The following ZNF438 variants were observed in gnomAD, a reference collection of about 807,000 sequenced individuals.
ZNF438 encodes the protein zinc finger protein 438.
In ZNF438, 25 loss-of-function variants were observed where a neutral mutation model predicts 38.0. The ratio of observed to expected loss-of-function variants is 0.66; its 90% CI spans 0.48 to 0.92. ZNF438 has a LOEUF of 0.92. Among genes scored for constraint, ZNF438 ranks in the 40% least tolerant of loss-of-function variants. ZNF438 has a pLI of 0.00. For missense variants in ZNF438, 1,007 were observed against 999.6 expected (o/e 1.01, Z -0.10); for synonymous variants, 372 against 364.1 (o/e 1.02, Z -0.25).
chr10:30,992,254 A>G (rs1055975172), intron 1 of ZNF438, among the ~76,000 whole-genome samples: 7 of 152,188 alleles, frequency 4.6e-5, no homozygotes, highest in Admixed American at 1.3e-4. Flanking sequence ...GATTTTTGCT[A>G]TAATATCTGA....
At position 30,861,272 on chromosome 10, in the gene ZNF438, A is replaced by T. The variant is rs980242545; in HGVS notation, c.38-10905T>A. ...ACCTAGTGCAATGTAAATACTATGTAAATAGTTGTTTTACTGTATTATTTA... is the reference window on the plus strand; with the variant it reads ...ACCTAGTGCAATGTAAATACTATGTTAATAGTTGTTTTACTGTATTATTTA... On this transcript the variant is annotated intron_variant, in intron 4 of 5. Transcript: ENST00000413025. Among the ~76,000 whole-genome samples the T allele has an allele frequency of 1.1e-4, 16 of 152,232 alleles. No individual in the cohort carries two copies. The South Asian group carries it at 3.3e-3, about 32-fold the overall frequency.
At chr10:30,876,924 G>T in intron 4 of ZNF438, 74 bp downstream of exon 5, 1 of 1,148,066 alleles carries the variant, frequency 8.7e-7, no homozygotes, top group Non-Finnish European at 1.2e-6. Flanking sequence ...TATGATTAGA[G>T]GTCAATGACA....
intron 3 of ZNF438, among the ~76,000 whole-genome samples, chr10:30,883,992 G>A (rs1304942062): frequency 1.3e-5 from 2 of 152,018 alleles, no homozygotes; most frequent in Admixed American, 6.6e-5. Flanking sequence ...ATCTCTCAGC[G>A]GGGCATTAAA....
chr10:30,873,061 TTGTC>T (rs1287848050), intron 4 of ZNF438, among the ~76,000 whole-genome samples: 1 of 152,208 alleles, frequency 6.6e-6, no homozygotes, highest in Non-Finnish European at 1.5e-5. Flanking sequence ...TGTGGTGACT[TTGTC>T]TTTCTTTCAC....
intron 2 of ZNF438, among the ~76,000 whole-genome samples, chr10:30,924,461 G>A (rs1033061541): frequency 1.3e-5 from 2 of 152,196 alleles, no homozygotes; most frequent in Non-Finnish European, 2.9e-5. Flanking sequence ...TGGTGATCTG[G>A]TGAGATTCAG....
chr10:31,031,862 G>C (rs1332476063), exon 1 of ZNF438: 1 of 152,602 alleles, frequency 6.6e-6, no homozygotes, highest in Admixed American at 6.5e-5. Context: ...CGTCACAGCG[G>C]GGTGACGTCA....
chr10:30,893,773 T>C (rs140682819), intron 3 of ZNF438, among the ~76,000 whole-genome samples: 6 of 152,250 alleles, frequency 3.9e-5, no homozygotes, highest in Non-Finnish European at 8.8e-5. Flanking sequence ...GGGTACAACA[T>C]GGAAAAACTA....
chr10:30,902,095 A>T (rs2042072049), intron 3 of ZNF438, among the ~76,000 whole-genome samples: 1 of 152,164 alleles, frequency 6.6e-6, no homozygotes. Flanking sequence ...GCATAGAGCG[A>T]AAGAACAAAG....
intron 1 of ZNF438, among the ~76,000 whole-genome samples, chr10:30,987,012 G>T (rs1275619907): frequency 6.6e-6 from 1 of 152,082 alleles, no homozygotes; most frequent in African/African-American, 2.4e-5. Flanking sequence ...CTTGGCTGTG[G>T]TTCACATATA....
intron 2 of ZNF438, chr10:30,919,498 G>A (rs1237019597): frequency 6.6e-6 from 1 of 152,118 alleles, no homozygotes; most frequent in Non-Finnish European, 1.5e-5. Flanking sequence ...GGTGGCCAGC[G>A]CTGAACCTAC....
At position 30,966,633 on chromosome 10, in the gene ZNF438, G is replaced by A. The variant is rs1165889655; in HGVS notation, c.-191-24982C>T. Among the ~76,000 whole-genome samples, 4 of 145,358 alleles carry A rather than the reference G, an allele frequency of 2.8e-5. No individual in the cohort carries two copies. In the East Asian group the frequency reaches 6.1e-4, roughly 22 times the overall value. ...TGCAGTGAGCTGAGATTGCGCCACT[G>A]CACTCCAGCCTGGGCAACAGAGCAA... is the stretch of plus-strand genomic sequence containing the variant. On this transcript the variant is annotated intron_variant, in intron 1 of 5. Transcript: ENST00000413025.
At chr10:30,874,875 C>A (rs1431777015) in intron 4 of ZNF438, among the ~76,000 whole-genome samples, 1 of 151,422 alleles carries the variant, frequency 6.6e-6, no homozygotes, top group African/African-American at 2.4e-5. Flanking sequence ...TATGATAGAT[C>A]TGAGTTCAAA....
chr10:30,995,284 C>T (rs1475041836), intron 1 of ZNF438, among the ~76,000 whole-genome samples: 1 of 152,126 alleles, frequency 6.6e-6, no homozygotes, highest in Non-Finnish European at 1.5e-5. Flanking sequence ...AAGTACAAAG[C>T]AGCCCCCAAT....
chr10:30,969,878 C>A (rs1026933060), intron 1 of ZNF438, among the ~76,000 whole-genome samples: 1 of 151,754 alleles, frequency 6.6e-6, no homozygotes, highest in African/African-American at 2.4e-5. Context: ...CATTTATTTA[C>A]AAATACTTGC....
At chr10:30,872,749 C>CAAAAAAAAA (rs10633045) in intron 4 of ZNF438, among the ~76,000 whole-genome samples, 1 of 88,858 alleles carries the variant, frequency 1.1e-5, no homozygotes, top group Non-Finnish European at 2.2e-5. Flanking sequence ...GACTCTGTCT[C>CAAAAAAAAA]AAAAAAAAAA....
At chr10:30,861,351 C>T (rs548625408) in intron 4 of ZNF438, among the ~76,000 whole-genome samples, 5 of 152,100 alleles carry the variant, frequency 3.3e-5, no homozygotes, top group Admixed American at 2.0e-4. Context: ...AGATGCAGTT[C>T]GAAATTTTTT....
intron 2 of ZNF438, among the ~76,000 whole-genome samples, chr10:30,941,038 C>A (rs766134091): frequency 1.2e-4 from 17 of 145,838 alleles, no homozygotes; most frequent in Non-Finnish European, 2.3e-4. Flanking sequence ...AGACAAATAA[C>A]ACCAAGAGTT....
At chr10:30,866,648 C>T (rs1185938096) in intron 4 of ZNF438, among the ~76,000 whole-genome samples, 2 of 152,090 alleles carry the variant, frequency 1.3e-5, no homozygotes, top group African/African-American at 2.4e-5. Flanking sequence ...TCCTGGCTAA[C>T]ACGGTGAAAC....
chr10:30,853,946 G>GA (rs1198597492), intron 4 of ZNF438, among the ~76,000 whole-genome samples: 4 of 152,142 alleles, frequency 2.6e-5, no homozygotes, highest in Admixed American at 1.3e-4. Flanking sequence ...AGTGAGCTGA[G>GA]ATCATGCCAC....
Sources: allele counts gnomAD v4.1 joint callset (sites outside exome capture counted in the v4.1 genomes callset), GRCh38; gene constraint gnomAD v4.1.1; transcripts MANE v1.5; gene names NCBI Gene and HGNC (gene_info 2026-07-23, HGNC 2026-07-21).